Variants in LBX2 observed in about 807,000 individuals in gnomAD.
LBX2 encodes the protein ladybird homeobox 2.
In LBX2, 6 loss-of-function variants were observed where a neutral mutation model predicts 7.5. That is an observed-to-expected ratio of 0.80 (90% CI 0.44 to 1.59). The LOEUF is 1.59. Ranked by LOEUF, LBX2 falls within the 40% of genes most tolerant of loss-of-function variation. The probability of loss-of-function intolerance (pLI) is 0.01; values close to 1 mark genes in which losing one functional copy is unlikely to be tolerated. For synonymous variants in LBX2, 143 were observed against 133.2 expected, an observed-to-expected ratio of 1.07 and a Z score of -0.51; for missense variants, 281 against 282.0, an observed-to-expected ratio of 1.00 and a Z score of 0.03.
chr2:74,498,743 C>G (rs564204778), intron 1 of LBX2: 16 of 212,276 alleles, frequency 7.5e-5, no homozygotes, highest in Admixed American at 2.1e-4. Context: ...AGATCATGCC[C>G]TTCCATGGAT....
chr2:74,499,546 G>T lies in LBX2; in HGVS notation c.-9C>A. On this transcript the variant is annotated 5_prime_UTR_variant, in exon 1 of 2. Coordinates refer to ENST00000377566, the MANE Select transcript of LBX2 (RefSeq NM_001282430.2). The surrounding 1 kb of genome is among the most constrained non-coding windows in gnomAD (Gnocchi z 4.6). ...TCGCGTCCCGAGTTCATGGTCGGCC[G>T]GGCTGGGGCGGTCCGGCTGTCCGTT... The T allele has an allele frequency of 6.5e-7, 1 of 1,543,316 alleles. No homozygotes were observed. The highest frequency in any genetic ancestry group is 8.8e-7 in the Non-Finnish European group (1 of 1,142,356).
chr2:74,499,634 G>T, upstream of LBX2: 1 of 1,313,414 alleles, frequency 7.6e-7, no homozygotes, highest in Non-Finnish European at 1.0e-6. The surrounding 1 kb of genome is among the most constrained non-coding windows in gnomAD (Gnocchi z 4.6). Flanking sequence ...CCCCAGCCTC[G>T]GACCCGCCCC....
Position 74,497,690 on chromosome 2 carries a change from C to G in LBX2, c.*237G>C. 1 of 427,414 alleles carries G rather than the reference C, an allele frequency of 2.3e-6. No homozygotes were observed. The highest frequency in any genetic ancestry group is 4.1e-6 in the Non-Finnish European group (1 of 245,178). The allele number at this position is 427,414 out of a possible 1,614,324, so 26.5% of individuals were successfully genotyped here. A position where few individuals can be genotyped will look rare whatever the true frequency, so the allele number is the denominator to read the frequency against. ...GGAGGATCGCTTGAGCCCAGGAGGT[C>G]GCGACTGCAGTGAGCGGTGATCGCT... On this transcript the variant is annotated 3_prime_UTR_variant, in exon 2 of 2. Coordinates refer to ENST00000377566, the MANE Select transcript of LBX2 (RefSeq NM_001282430.2).
In LBX2 at chr2:74,498,333, A is replaced by AG; in HGVS notation, c.206-16dup. 4 of 1,483,656 alleles carry AG rather than the reference A, an allele frequency of 2.7e-6. No homozygotes were observed. The highest frequency in any genetic ancestry group is 3.6e-6 in the Non-Finnish European group (4 of 1,120,774). The allele number at this position is 1,483,656 out of a possible 1,614,324, so 91.9% of individuals were successfully genotyped here. On this transcript the variant is annotated splice_polypyrimidine_tract_variant and intron_variant, in intron 1 of 1. Transcript: ENST00000377566. ...ACCTGCCCGCCCTGTAGGGATAGGG[A>AG]GGGGGTCAGTTTCCAGCCTCCGGGA...
chr2:74,499,235 G>A lies in LBX2; in HGVS notation c.205+98C>T. 2 of 1,081,854 alleles carry A rather than the reference G, an allele frequency of 1.8e-6. No individual in the cohort carries two copies. The highest frequency in any genetic ancestry group is 1.4e-6 in the Non-Finnish European group (1 of 732,634). 67.0% of individuals were successfully genotyped at this position (1,081,854 alleles called of 1,614,324 possible). On this transcript the variant is annotated intron_variant, in intron 1 of 1. Transcript: ENST00000377566. The surrounding 1 kb of genome is among the most constrained non-coding windows in gnomAD (Gnocchi z 4.6). ...CTGAGGACAGGGGAGGATTAGGGTG[G>A]GTGGCCTGGGCTGGGACAAAGGTTT...
rs1157127611 is a variant in LBX2 at position 74,497,966 on chromosome 2, C to T, written c.558G>A (p.Arg186=). The change falls in exon 2 of 2, where the codon CGG becomes CGA. Residue 186 remains arginine (R), a synonymous_variant. Transcript: ENST00000377566. Reference sequence around the variant, plus strand: ...GTATCTCCTCGTCTGACAGGTGGGGCCGGGAGTCAGGGCCGGCAGGGCCGA... The same window carrying T: ...GTATCTCCTCGTCTGACAGGTGGGGTCGGGAGTCAGGGCCGGCAGGGCCGA... The part of the protein sequence containing the change: ...LCLGPAGPDS[R]PHLSDEEIQV... 6.2e-7 allele frequency: 1 copy of T among 1,600,980 alleles called. No individual in the cohort carries two copies. Among genetic ancestry groups the T allele is most frequent in the Admixed American group, 1.7e-5 (1 of 58,552 alleles).
chr2:74,502,642 G>A (rs762190603), upstream of LBX2: 4 of 1,609,150 alleles, frequency 2.5e-6, no homozygotes, highest in South Asian at 1.1e-5. This position sits in a 1 kb window ranked among gnomAD's most constrained non-coding sequence, Gnocchi z 5.4. Context: ...GGAGTGAACC[G>A]GTCCTTATAT....
upstream of LBX2, chr2:74,499,780 C>G: frequency 6.9e-6 from 4 of 579,714 alleles, no homozygotes; most frequent in South Asian, 8.1e-5. This position sits in a 1 kb window ranked among gnomAD's most constrained non-coding sequence, Gnocchi z 4.6. Flanking sequence ...AGAGCAGAAG[C>G]CGACCAAACT....
upstream of LBX2, among the ~76,000 whole-genome samples, chr2:74,501,074 A>C (rs1674474897): frequency 6.6e-6 from 1 of 152,188 alleles, no homozygotes; most frequent in South Asian, 2.1e-4. Flanking sequence ...AAAGATGGGA[A>C]GGCACCTTGA....
At position 74,498,294 on chromosome 2, in the gene LBX2, C is replaced by T. The variant is rs1356658131; in HGVS notation, c.230G>A (p.Gly77Asp). The T allele has an allele frequency of 6.4e-7, 1 of 1,558,384 alleles. No homozygotes were observed. The highest frequency in any genetic ancestry group is 1.3e-5 in the African/African-American group (1 of 74,296). ...SEGRAGPDAL[G>D]PGPFGRKRRK... ...CCGTTTGCGGCCGAAGGGACCAGGGCCCAGCGCGTCCGGACCTGCCCGCCC... is the reference window on the plus strand; with the variant it reads ...CCGTTTGCGGCCGAAGGGACCAGGGTCCAGCGCGTCCGGACCTGCCCGCCC... Residue 77 changes from glycine to aspartate, a missense_variant, in exon 2 of 2, where the codon GGC (glycine) becomes GAC (aspartate). Transcript: ENST00000377566.
At position 74,499,328 on chromosome 2, in the gene LBX2, T is replaced by C. The variant is rs1000330826; in HGVS notation, c.205+5A>G. The C allele has an allele frequency of 3.2e-6, 5 of 1,550,144 alleles. No individual in the cohort carries two copies. The highest frequency in any genetic ancestry group is 4.4e-6 in the Non-Finnish European group (5 of 1,146,716). Reference sequence around the variant, plus strand: ...TCAGAGTCCGCGACCTTGCCGGCTCTATACCTTCAGAGGGCTGCAGAGCGC... The same window carrying C: ...TCAGAGTCCGCGACCTTGCCGGCTCCATACCTTCAGAGGGCTGCAGAGCGC... On this transcript the variant is annotated splice_donor_5th_base_variant and intron_variant, in intron 1 of 1. Coordinates refer to ENST00000377566, the MANE Select transcript of LBX2 (RefSeq NM_001282430.2). The surrounding 1 kb of genome is among the most constrained non-coding windows in gnomAD (Gnocchi z 4.6).
upstream of LBX2, chr2:74,499,787 A>C: frequency 1.7e-6 from 1 of 571,886 alleles, no homozygotes; most frequent in Non-Finnish European, 3.1e-6. This position sits in a 1 kb window ranked among gnomAD's most constrained non-coding sequence, Gnocchi z 4.6. Flanking sequence ...AAGCCGACCA[A>C]ACTACCCACC....
chr2:74,498,372 T>C, intron 1 of LBX2, 54 bp from the exon 2 acceptor site: 1 of 1,407,448 alleles, frequency 7.1e-7, no homozygotes, highest in African/African-American at 1.5e-5. Flanking sequence ...AGGCTGGGCC[T>C]GGAAAGAAAA....
intron 1 of LBX2, chr2:74,498,962 C>G (rs1674424866): frequency 3.3e-6 from 1 of 298,862 alleles, no homozygotes; most frequent in East Asian, 7.2e-5. Flanking sequence ...ACTCGACTCT[C>G]CAGCGCTTTC....
Position 74,498,334 on chromosome 2 carries a change from G to A in LBX2, c.206-16C>T. ...CCTGCCCGCCCTGTAGGGATAGGGA[G>A]GGGGTCAGTTTCCAGCCTCCGGGAA... On this transcript the variant is annotated splice_polypyrimidine_tract_variant and intron_variant, in intron 1 of 1. Transcript: ENST00000377566. The A allele has an allele frequency of 1.3e-6, 2 of 1,491,854 alleles. No homozygotes were observed. Among genetic ancestry groups the A allele is most frequent in the Non-Finnish European group, 1.8e-6 (2 of 1,124,756 alleles). The allele number at this position is 1,491,854 out of a possible 1,614,324, so 92.4% of individuals were successfully genotyped here. A position where few individuals can be genotyped will look rare whatever the true frequency, so the allele number is the denominator to read the frequency against.
At chr2:74,503,262 G>C (rs538321629), upstream of LBX2, 1 of 172,876 alleles carries the variant, frequency 5.8e-6, no homozygotes, top group East Asian at 1.7e-4. This position sits in a 1 kb window ranked among gnomAD's most constrained non-coding sequence, Gnocchi z 5.1. Flanking sequence ...GACCCGGGAC[G>C]AGCGGCGCGG....
At chr2:74,498,541 T>C (rs1674412259) in intron 1 of LBX2, 3 of 563,800 alleles carry the variant, frequency 5.3e-6, no homozygotes, top group Non-Finnish European at 9.3e-6. Context: ...GGCAGCAGGC[T>C]GAGGGCATAT....
Position 74,498,176 on chromosome 2 carries a change from G to C in LBX2, c.348C>G (p.Asp116Glu), listed in dbSNP as rs1293969280. 1.9e-6 allele frequency: 3 copies of C among 1,612,392 alleles called. No individual in the cohort carries two copies. Among genetic ancestry groups the C allele is most frequent in the Non-Finnish European group, 2.5e-6 (3 of 1,179,524 alleles). Reference protein sequence around the residue: ...FQKYLAPSERDGLATRLGLAN... With the variant: ...FQKYLAPSEREGLATRLGLAN... Reference sequence around the variant, plus strand: ...CCAGGCCGAGTCGCGTAGCTAGCCCGTCTCGCTCGGACGGCGCCAGGTACT... The same window carrying C: ...CCAGGCCGAGTCGCGTAGCTAGCCCCTCTCGCTCGGACGGCGCCAGGTACT... The change falls in exon 2 of 2, where the codon GAC becomes GAG. Residue 116 changes from aspartate (D) to glutamate (E), a missense_variant. This residue lies in a region of LBX2 where 216 missense variants were observed against 208.7 expected (regional missense o/e 1.03). Coordinates refer to ENST00000377566, the MANE Select transcript of LBX2 (RefSeq NM_001282430.2).
Position 74,498,289 on chromosome 2 carries a change from C to T in LBX2, c.235G>A (p.Gly79Ser). ...GRAGPDALGP[G>S]PFGRKRRKSR... ...TTGCGCCGTTTGCGGCCGAAGGGAC[C>T]AGGGCCCAGCGCGTCCGGACCTGCC... is the stretch of plus-strand genomic sequence containing the variant. The change falls in exon 2 of 2, where the codon GGT becomes AGT. Residue 79 changes from glycine (G) to serine (S), a missense_variant. By Grantham distance (56) the Gly-to-Ser change is moderately conservative. Around this residue, in one of 3 missense-constraint regions of LBX2, gnomAD observed 216 missense variants for 208.7 expected, o/e 1.03. Coordinates refer to ENST00000377566, the MANE Select transcript of LBX2 (RefSeq NM_001282430.2). 1 of 1,567,390 alleles carries T rather than the reference C, an allele frequency of 6.4e-7. No individual in the cohort carries two copies.
Sources: gnomAD v4.1 joint callset for allele counts (sites outside exome capture counted in the v4.1 genomes callset) on GRCh38, gnomAD v4.1.1 for gene constraint, gnomAD v4.1.1 regional missense constraint, Gnocchi (gnomAD v3.1) non-coding constraint, MANE v1.5 for transcripts, NCBI Gene and HGNC (gene_info 2026-07-23, HGNC 2026-07-21) for gene names.